Variants in SYNE2 observed in about 807,000 individuals in gnomAD.
The protein encoded by SYNE2 is spectrin repeat containing nuclear envelope protein 2.
In SYNE2, 431 loss-of-function variants were observed where a neutral mutation model predicts 856.3. That is an observed-to-expected ratio of 0.50 (90% CI 0.47 to 0.55). The LOEUF (loss-of-function observed/expected upper bound fraction) is 0.55. SYNE2 is among the 20% of genes least tolerant of loss of function. The pLI, the probability that SYNE2 is intolerant of heterozygous loss-of-function variation, is 0.00. For synonymous variants in SYNE2, 2,923 were observed against 2,872.3 expected (o/e 1.02, Z -0.56); for missense variants, 8,129 against 8,023.2 (o/e 1.01, Z -0.50).
intron 1 of SYNE2, among the ~76,000 whole-genome samples, chr14:63,859,011 A>G (rs1035056829): frequency 2.5e-4 from 38 of 152,186 alleles, no homozygotes; most frequent in Admixed American, 2.5e-3. Context: ...TGGTGTGAAT[A>G]TGGGTGGAAG....
At chr14:64,106,553 G>T (rs1184914167) in intron 64 of SYNE2, among the ~76,000 whole-genome samples, 1 of 152,166 alleles carries the variant, frequency 6.6e-6, no homozygotes, top group East Asian at 1.9e-4. Flanking sequence ...GGAGGCTGAG[G>T]CAGGAGAAGG....
rs546240065 is a variant in SYNE2, at chr14:64,219,102, T to C, written c.19658-106T>C. 5.8e-4 allele frequency: 372 copies of C among 638,214 alleles called. 4 individuals are homozygous for C. In the African/African-American group the frequency reaches 8.7e-3, roughly 15 times the overall value. 39.5% of individuals were successfully genotyped at this position (638,214 alleles called of 1,614,324 possible). A position where few individuals can be genotyped will look rare whatever the true frequency, so the allele number is the denominator to read the frequency against. On this transcript the variant is annotated intron_variant, in intron 109 of 115. Coordinates refer to ENST00000555002, the MANE Select transcript of SYNE2 (RefSeq NM_182914.3). ...GTCAGGGGAATCCCCTACAGTTTTT[T>C]TGTTTTTTTTTTTTTTTTTTTTAAC...
At chr14:63,876,524 G>T (rs574659464) in intron 1 of SYNE2, among the ~76,000 whole-genome samples, 8 of 143,694 alleles carry the variant, frequency 5.6e-5, no homozygotes, top group African/African-American at 1.5e-4. Flanking sequence ...GTCTCGCTCT[G>T]TTGCCCAGGC....
intron 87 of SYNE2, among the ~76,000 whole-genome samples, chr14:64,160,059 G>T (rs1213424731): frequency 6.6e-6 from 1 of 152,176 alleles, no homozygotes; most frequent in Non-Finnish European, 1.5e-5. Flanking sequence ...GATTATTCCT[G>T]TATGCAGTTT....
At chr14:63,961,280 C>T (rs76996453) in intron 8 of SYNE2, among the ~76,000 whole-genome samples, 1,586 of 152,290 alleles carry the variant, frequency 0.01, 25 homozygotes, top group African/African-American at 0.036. Context: ...TATTAGAAAA[C>T]GGAGACTGTG....
chr14:64,067,266 A>G (rs909347307), intron 51 of SYNE2, among the ~76,000 whole-genome samples: 10 of 152,218 alleles, frequency 6.6e-5, no homozygotes, highest in African/African-American at 2.4e-4. Context: ...TTATTGTGTG[A>G]CAGGATAGTT....
chr14:63,941,431 C>G (rs1595768995), intron 3 of SYNE2, among the ~76,000 whole-genome samples: 2 of 152,344 alleles, frequency 1.3e-5, no homozygotes, highest in Non-Finnish European at 2.9e-5. Context: ...TTTAATGCCA[C>G]TTGTGTGCAC....
chr14:63,861,386 G>A (rs919993012), intron 1 of SYNE2, among the ~76,000 whole-genome samples: 19 of 151,692 alleles, frequency 1.3e-4, no homozygotes, highest in African/African-American at 3.6e-4. Flanking sequence ...CTCGTGATCC[G>A]CCCACCTCAG....
At chr14:64,152,159 A>C (rs1424430359) in intron 84 of SYNE2, among the ~76,000 whole-genome samples, 1 of 152,162 alleles carries the variant, frequency 6.6e-6, no homozygotes, top group Non-Finnish European at 1.5e-5. Context: ...GTTTAAAGGC[A>C]CCTTCTTGCT....
At chr14:63,961,697 G>T in intron 9 of SYNE2, 72 bp downstream of exon 9, 2 of 1,101,428 alleles carry the variant, frequency 1.8e-6, no homozygotes, top group South Asian at 2.6e-5. Context: ...TTAAAATCAA[G>T]ATATAATTTG....
At chr14:64,096,681 G>T (rs181917240) in intron 61 of SYNE2, among the ~76,000 whole-genome samples, 1 of 152,358 alleles carries the variant, frequency 6.6e-6, no homozygotes, top group Admixed American at 6.5e-5. Context: ...GCATAGAAAT[G>T]TGTGCAGTAC....
At chr14:64,108,463 T>G (rs1012698559) in intron 65 of SYNE2, among the ~76,000 whole-genome samples, 3 of 152,148 alleles carry the variant, frequency 2.0e-5, no homozygotes, top group African/African-American at 4.8e-5. Context: ...ACCTCAGTTG[T>G]TCTCAATAAG....
chr14:63,974,892 G>GTGTATGTATATATATATATATA (rs1375697679), intron 11 of SYNE2, among the ~76,000 whole-genome samples: 1 of 67,322 alleles, frequency 1.5e-5, no homozygotes, highest in Non-Finnish European at 3.1e-5. Context: ...GTGTGTGTGT[G>GTGTATGTATATATATATATATA]TATATATATA....
intron 55 of SYNE2, 131 bp from the exon 56 acceptor site, chr14:64,080,325 A>G (rs1179713871): frequency 7.3e-6 from 7 of 953,108 alleles, no homozygotes; most frequent in Admixed American, 3.5e-5. Flanking sequence ...TAAATTAACA[A>G]CTGTTCATGT....
intron 87 of SYNE2, among the ~76,000 whole-genome samples, chr14:64,160,778 T>C (rs1200209915): frequency 6.6e-6 from 1 of 152,214 alleles, no homozygotes; most frequent in Non-Finnish European, 1.5e-5. Flanking sequence ...CTTTATATTC[T>C]TTGACTCTGT....
intron 105 of SYNE2, among the ~76,000 whole-genome samples, chr14:64,213,749 C>G (rs1345920518): frequency 6.6e-6 from 1 of 152,074 alleles, no homozygotes; most frequent in East Asian, 1.9e-4. Flanking sequence ...AATACAGACA[C>G]TGAGCAATTA....
chr14:63,783,559 G>A (rs569211699), intron 1 of SYNE2, among the ~76,000 whole-genome samples: 19 of 152,262 alleles, frequency 1.2e-4, no homozygotes, highest in African/African-American at 4.6e-4. Flanking sequence ...CTTTATAGCA[G>A]TGTTAAAACG....
chr14:63,858,434 T>G (rs115948657), intron 1 of SYNE2, among the ~76,000 whole-genome samples: 2,050 of 151,504 alleles, frequency 0.014, 40 homozygotes, highest in African/African-American at 0.047. Flanking sequence ...TTTTTTTTTT[T>G]GAGACAGTAT....
At chr14:64,093,508 G>A in intron 61 of SYNE2, 28 bp downstream of exon 61, 1 of 1,613,918 alleles carries the variant, frequency 6.2e-7, no homozygotes, top group South Asian at 1.1e-5. Flanking sequence ...ATAAAGGTAT[G>A]TTTCATTTGT....
Sources: gnomAD v4.1 joint callset for allele counts (sites outside exome capture counted in the v4.1 genomes callset) on GRCh38, gnomAD v4.1.1 for gene constraint, MANE v1.5 for transcripts, NCBI Gene and HGNC (gene_info 2026-07-23, HGNC 2026-07-21) for gene names.